Variants in PCDHGB6 observed in about 807,000 individuals in gnomAD.
PCDHGB6 encodes the protein protocadherin gamma-B6.
PCDHGB6 carries 51 observed loss-of-function variants against 59.1 expected under a neutral mutation model. That is an observed-to-expected ratio of 0.86 (90% CI 0.69 to 1.09). PCDHGB6 has a LOEUF of 1.09. Among genes scored for constraint, PCDHGB6 ranks in the 50% least tolerant of loss-of-function variants. The probability of loss-of-function intolerance (pLI) is 0.00; values close to 1 mark genes in which losing one functional copy is unlikely to be tolerated. For missense variants in PCDHGB6, 1,148 were observed against 1,205.1 expected (o/e 0.95, Z 0.70); for synonymous variants, 466 against 495.1 (o/e 0.94, Z 0.78).
Position 141,409,833 on chromosome 5 carries a change from C to G in PCDHGB6, c.1631C>G (p.Ala544Gly), listed in dbSNP as rs973436075. The change falls in exon 1 of 4, where the codon GCC becomes GGC. Residue 544 changes from alanine to glycine, a missense_variant. This residue lies in a region of PCDHGB6 where 549 missense variants were observed against 527.5 expected (regional missense o/e 1.04). Transcript: ENST00000520790. ...ARDHGSPTLS[A>G]NVSLRVLVGD... The stretch of plus-strand genomic sequence containing the variant: ...GACCACGGCTCGCCCACGCTCAGCG[C>G]CAACGTGAGCCTGCGCGTGTTGGTG... The G allele has an allele frequency of 1.2e-6, 2 of 1,611,368 alleles. No homozygotes were observed. Among genetic ancestry groups the G allele is most frequent in the Non-Finnish European group, 1.7e-6 (2 of 1,179,084 alleles).
intron 2 of PCDHGB6, among the ~76,000 whole-genome samples, chr5:141,495,811 G>A (rs1164360438): frequency 1.3e-5 from 2 of 151,710 alleles, no homozygotes; most frequent in Admixed American, 1.3e-4. Flanking sequence ...GTTTCCTAGC[G>A]CCTTGTGTTC....
chr5:141,421,847 C>G, intron 1 of PCDHGB6: 1 of 1,613,752 alleles, frequency 6.2e-7, no homozygotes, highest in Non-Finnish European at 8.5e-7. Flanking sequence ...GAGAAAGAGG[C>G]TGCTCACCTG....
rs748605515 is a variant in PCDHGB6 at position 141,486,688 on chromosome 5, C to T, written c.2419-8119C>T. ...CCAGGAATCGAGATGTATCAGCTTC[C>T]TCTTTCATCTCTCTGAACCCCCAGA... On this transcript the variant is annotated intron_variant, in intron 1 of 3. Transcript: ENST00000520790. The surrounding 1 kb of genome is among the most constrained non-coding windows in gnomAD (Gnocchi z 5.0). 2 of 1,614,170 alleles carry T rather than the reference C, an allele frequency of 1.2e-6. No individual in the cohort carries two copies. The highest frequency in any genetic ancestry group is 1.1e-5 in the South Asian group (1 of 91,086).
At chr5:141,425,021 CT>C (rs1561817318) in intron 1 of PCDHGB6, among the ~76,000 whole-genome samples, 1 of 152,054 alleles carries the variant, frequency 6.6e-6, no homozygotes, top group Non-Finnish European at 1.5e-5. Context: ...AGGAATTTAC[CT>C]TATGTCATTA....
rs777314784 is a variant in PCDHGB6, at chr5:141,432,669, C to A, written c.2418+22049C>A. On this transcript the variant is annotated intron_variant, in intron 1 of 3. Transcript: ENST00000520790. The surrounding 1 kb of genome is among the most constrained non-coding windows in gnomAD (Gnocchi z 6.0). ...GCGCGAGCCCTGCTGGACAGAGACG[C>A]GCTCAAGCAGAGCCTCGTAGTGGCC... 1 of 1,613,894 alleles carries A rather than the reference C, an allele frequency of 6.2e-7. No homozygotes were observed. Among genetic ancestry groups the A allele is most frequent in the Non-Finnish European group, 8.5e-7 (1 of 1,179,950 alleles).
intron 1 of PCDHGB6, chr5:141,426,675 C>T: frequency 2.3e-6 from 1 of 431,942 alleles, no homozygotes; most frequent in South Asian, 1.6e-5. Flanking sequence ...TAACCCACCT[C>T]ATTTTCCCCA....
chr5:141,443,317 CA>C (rs35054295), intron 1 of PCDHGB6, among the ~76,000 whole-genome samples: 28 of 142,048 alleles, frequency 2.0e-4, no homozygotes, highest in Non-Finnish European at 2.6e-4. Flanking sequence ...CCCATCTCTA[CA>C]AAAAAAAAAA....
rs775204388 is a variant in PCDHGB6, at chr5:141,490,235, G to T, written c.2419-4572G>T. On this transcript the variant is annotated intron_variant, in intron 1 of 3. Transcript: ENST00000520790. This position sits in a 1 kb window ranked among gnomAD's most constrained non-coding sequence, Gnocchi z 5.4. ...GACCAGGGACAGCCTGCCATGGAGG[G>T]CCACTGTGTGATTCAAGTGGATGTG... 1 of 1,614,228 alleles carries T rather than the reference G, an allele frequency of 6.2e-7. No homozygotes were observed. The highest frequency in any genetic ancestry group is 1.1e-5 in the South Asian group (1 of 91,084).
At chr5:141,433,298 A>G in intron 1 of PCDHGB6, 7 of 1,015,894 alleles carry the variant, frequency 6.9e-6, no homozygotes, top group Non-Finnish European at 1.0e-5. Context: ...GGCTCAAGCA[A>G]TTATCCCACC....
chr5:141,441,819 G>A (rs1040935030), intron 1 of PCDHGB6: 6 of 359,092 alleles, frequency 1.7e-5, no homozygotes, highest in Non-Finnish European at 3.3e-5. Context: ...CCCCAGCTCT[G>A]GAGCGCAATG....
At chr5:141,414,897 C>G in intron 1 of PCDHGB6, 1 of 1,614,230 alleles carries the variant, frequency 6.2e-7, no homozygotes, top group Non-Finnish European at 8.5e-7. Flanking sequence ...TCCCCACAGA[C>G]GGTTCCACAG....
At chr5:141,459,723 T>G (rs1024452676) in intron 1 of PCDHGB6, among the ~76,000 whole-genome samples, 3 of 152,254 alleles carry the variant, frequency 2.0e-5, no homozygotes, top group African/African-American at 7.2e-5. Context: ...ATGCTTCCTA[T>G]TGTCAATTTT....
intron 1 of PCDHGB6, chr5:141,418,595 G>T (rs1331897624): frequency 5.6e-6 from 9 of 1,613,928 alleles, no homozygotes; most frequent in Non-Finnish European, 7.6e-6. Flanking sequence ...CAGCCAGGAC[G>T]TGTACAGGGT....
chr5:141,489,397 G>T lies in PCDHGB6; in HGVS notation c.2419-5410G>T. ...GGTGGGGAATGTTGCTCAGGATCTG[G>T]GCTTAAAGATGACAGATCTGTTGAG... On this transcript the variant is annotated intron_variant, in intron 1 of 3. Coordinates refer to ENST00000520790, the MANE Select transcript of PCDHGB6 (RefSeq NM_018926.3). The surrounding 1 kb of genome is among the most constrained non-coding windows in gnomAD (Gnocchi z 4.5). 2 of 1,614,176 alleles carry T rather than the reference G, an allele frequency of 1.2e-6. No individual in the cohort carries two copies. Among genetic ancestry groups the T allele is most frequent in the Non-Finnish European group, 1.7e-6 (2 of 1,180,038 alleles).
chr5:141,420,933 T>C (rs1227912236), intron 1 of PCDHGB6: 1 of 375,320 alleles, frequency 2.7e-6, no homozygotes, highest in African/African-American at 2.1e-5. Context: ...GTGAGCGTAA[T>C]CATTTCTTCT....
At chr5:141,457,522 G>A (rs1200640017) in intron 1 of PCDHGB6, among the ~76,000 whole-genome samples, 1 of 152,188 alleles carries the variant, frequency 6.6e-6, no homozygotes, top group Non-Finnish European at 1.5e-5. Flanking sequence ...AACAATTAAT[G>A]AGACTAGGGT....
chr5:141,486,578 C>A lies in PCDHGB6; in HGVS notation c.2419-8229C>A, dbSNP rs780578882. 5 of 1,613,610 alleles carry A rather than the reference C, an allele frequency of 3.1e-6. No homozygotes were observed. In the Admixed American group the frequency reaches 6.7e-5, roughly 22 times the overall value. On this transcript the variant is annotated intron_variant, in intron 1 of 3. Coordinates refer to ENST00000520790, the MANE Select transcript of PCDHGB6 (RefSeq NM_018926.3). The surrounding 1 kb of genome is among the most constrained non-coding windows in gnomAD (Gnocchi z 5.0). Reference sequence around the variant, plus strand: ...TGAGGTGTTTGTTCCTGAGAACAATCGCCCAGGGGACCTGCTTTGCTCCCT... The same window carrying A: ...TGAGGTGTTTGTTCCTGAGAACAATAGCCCAGGGGACCTGCTTTGCTCCCT...
At chr5:141,423,755 G>GT (rs542747697) in intron 1 of PCDHGB6, 5 of 512,416 alleles carry the variant, frequency 9.8e-6, no homozygotes, top group Admixed American at 7.1e-5. Context: ...CTGTTTGGGG[G>GT]GGGGGTGGGG....
In PCDHGB6 at chr5:141,511,405, T is replaced by C. The variant is rs1274658643; in HGVS notation, c.*232T>C. The C allele has an allele frequency of 2.2e-5, 21 of 944,066 alleles. No homozygotes were observed. In the East Asian group the frequency reaches 5.8e-4, roughly 26 times the overall value. 58.5% of individuals were successfully genotyped at this position (944,066 alleles called of 1,614,324 possible). On this transcript the variant is annotated 3_prime_UTR_variant, in exon 4 of 4. Transcript: ENST00000520790. ...CGCTGGGAACCCCCATCCAATCAACTGCTGTACCCATGGGGGTAGTGGGGT... is the reference window on the plus strand; with the variant it reads ...CGCTGGGAACCCCCATCCAATCAACCGCTGTACCCATGGGGGTAGTGGGGT...
Sources: allele counts gnomAD v4.1 joint callset (sites outside exome capture counted in the v4.1 genomes callset), GRCh38; gene constraint gnomAD v4.1.1; regional missense constraint gnomAD v4.1.1; non-coding constraint Gnocchi (gnomAD v3.1); transcripts MANE v1.5; gene names NCBI Gene and HGNC (gene_info 2026-07-23, HGNC 2026-07-21).